RAD54L: variants seen among roughly 807,000 people sequenced by gnomAD.
RAD54L encodes DNA repair and recombination protein RAD54-like.
RAD54L carries 74 observed loss-of-function variants against 91.6 expected under a neutral mutation model. The ratio of observed to expected loss-of-function variants is 0.81; its 90% CI spans 0.67 to 0.98. The LOEUF is 0.98. RAD54L is among the 50% of genes least tolerant of loss of function. The pLI, the probability that RAD54L is intolerant of heterozygous loss-of-function variation, is 0.00. For synonymous variants in RAD54L, 304 were observed against 349.7 expected (o/e 0.87, Z 1.46); for missense variants, 887 against 945.7 (o/e 0.94, Z 0.81).
chr1:46,268,501 T>C (rs143351929), intron 9 of RAD54L, among the ~76,000 whole-genome samples: 47 of 152,306 alleles, frequency 3.1e-4, no homozygotes, highest in Non-Finnish European at 6.5e-4. Context: ...CACCATCAGA[T>C]GAATTACTAA....
At chr1:46,269,838 C>T (rs919703034) in intron 9 of RAD54L, among the ~76,000 whole-genome samples, 5 of 152,060 alleles carry the variant, frequency 3.3e-5, no homozygotes, top group South Asian at 2.1e-4. Context: ...TGTGGTGGCT[C>T]ACAACTGTAA....
intron 9 of RAD54L, among the ~76,000 whole-genome samples, chr1:46,270,149 C>T (rs183379670): frequency 1.1e-3 from 172 of 151,940 alleles, no homozygotes; most frequent in African/African-American, 3.6e-3. Flanking sequence ...GCGGGCAGAT[C>T]GCGAGATCAG....
chr1:46,274,193 G>A lies in RAD54L; in HGVS notation c.1666G>A (p.Val556Ile). ...GTCCATTAAGAAGCGAGCCAAGGTT[G>A]TAGAACGCTTCAATAGTCCATCGGT... is the stretch of plus-strand genomic sequence containing the variant. ...TMSIKKRAKV[V>I]ERFNSPSSPD... Residue 556 changes from valine (V) to isoleucine (I), a missense_variant, in exon 15 of 18, where the codon GTA becomes ATA. Coordinates refer to ENST00000371975, the MANE Select transcript of RAD54L (RefSeq NM_003579.4). The A allele has an allele frequency of 1.2e-6, 2 of 1,613,562 alleles. No homozygotes were observed. Among genetic ancestry groups the A allele is most frequent in the African/African-American group, 1.3e-5 (1 of 74,998 alleles).
chr1:46,271,529 G>A (rs971200015), intron 10 of RAD54L, among the ~76,000 whole-genome samples: 11 of 152,110 alleles, frequency 7.2e-5, no homozygotes, highest in African/African-American at 2.7e-4. Context: ...TGGTTGGGGT[G>A]CACCTGTAGT....
At position 46,271,022 on chromosome 1, in the gene RAD54L, CTTT is replaced by C. The variant is rs374946202; in HGVS notation, c.1169+239_1169+241del. On this transcript the variant is annotated intron_variant, in intron 10 of 17. Transcript: ENST00000371975. ...TCTGTTTATCAGCCTGCTGAGGAAG[CTTT>C]TCTCTGATGCTGCTGGACTTCTTGA... is the stretch of plus-strand genomic sequence containing the variant. Among the ~76,000 whole-genome samples, 74 of 152,290 alleles carry C rather than the reference CTTT, an allele frequency of 4.9e-4. 1 individual carries two copies. The South Asian group carries it at 0.014, about 29-fold the overall frequency.
rs1032650167 is a variant in RAD54L at position 46,257,215 on chromosome 1, G to A, written c.211-1471G>A. ...GAATTTCTAGACATTGATGATGTGT[G>A]AAGAAATGAGTCAGAAAACAAAGGT... is the stretch of plus-strand genomic sequence containing the variant. On this transcript the variant is annotated intron_variant, in intron 3 of 17. Coordinates refer to ENST00000371975, the MANE Select transcript of RAD54L (RefSeq NM_003579.4). 9.2e-5 allele frequency among the ~76,000 whole-genome samples: 14 copies of A among 151,666 alleles called. No homozygotes were observed. In the East Asian group the frequency reaches 2.7e-3, roughly 29 times the overall value.
At chr1:46,264,902 G>A (rs1660225423) in intron 8 of RAD54L, among the ~76,000 whole-genome samples, 1 of 152,212 alleles carries the variant, frequency 6.6e-6, no homozygotes, top group Non-Finnish European at 1.5e-5. Context: ...TGGTCCAATA[G>A]GGAGCTGGGG....
intron 6 of RAD54L, 34 bp downstream of exon 6, chr1:46,260,645 A>G (rs1186297204): frequency 1.9e-6 from 3 of 1,613,584 alleles, no homozygotes; most frequent in African/African-American, 2.7e-5. Flanking sequence ...GGTATGGGCT[A>G]TGGGCTGAGC....
intron 10 of RAD54L, among the ~76,000 whole-genome samples, chr1:46,272,104 G>A (rs928376930): frequency 2.1e-4 from 29 of 139,320 alleles, no homozygotes; most frequent in Non-Finnish European, 3.8e-4. Context: ...ATGCAATGGG[G>A]CGATCTCGGC....
In RAD54L at chr1:46,263,245, A is replaced by T. The variant is rs1660179052; in HGVS notation, c.891+1860A>T. On this transcript the variant is annotated intron_variant, in intron 8 of 17. Transcript: ENST00000371975. This position sits in a 1 kb window ranked among gnomAD's most constrained non-coding sequence, Gnocchi z 4.3. Reference sequence around the variant, plus strand: ...TTCCAGTATGTGTGAATGGCAATAGAGAGGCTAGTACTTAGGAAGCAGTGA... The same window carrying T: ...TTCCAGTATGTGTGAATGGCAATAGTGAGGCTAGTACTTAGGAAGCAGTGA... Among the ~76,000 whole-genome samples the T allele has an allele frequency of 6.6e-6, 1 of 152,178 alleles. No individual in the cohort carries two copies. The highest frequency in any genetic ancestry group is 1.5e-5 in the Non-Finnish European group (1 of 68,034).
rs533626960 is a variant in RAD54L at position 46,275,979 on chromosome 1, G to A, written c.1869+1262G>A. 7.7e-4 allele frequency among the ~76,000 whole-genome samples: 116 copies of A among 150,996 alleles called. 1 individual carries two copies. The highest frequency in any genetic ancestry group is 5.6e-3 in the South Asian group (27 of 4,780). On this transcript the variant is annotated intron_variant, in intron 16 of 17. Transcript: ENST00000371975. The stretch of plus-strand genomic sequence containing the variant: ...AAAAAAAAAAAAAATTTTTTTTCTC[G>A]TCTTTGGAAACTCCACTCTGGTTCT...
At chr1:46,262,278 G>T (rs1316275996) in intron 8 of RAD54L, among the ~76,000 whole-genome samples, 1 of 151,942 alleles carries the variant, frequency 6.6e-6, no homozygotes, top group Non-Finnish European at 1.5e-5. Flanking sequence ...GTGGTGGTGG[G>T]TGCCTGTAAT....
At chr1:46,277,348 C>A (rs980700744) in intron 16 of RAD54L, 2 of 219,350 alleles carry the variant, frequency 9.1e-6, no homozygotes, top group African/African-American at 4.6e-5. Flanking sequence ...CTCGCAGTTA[C>A]CCTGTATAGA....
chr1:46,249,909 C>T (rs1659751619), intron 2 of RAD54L, 91 bp from the exon 3 acceptor site: 1 of 1,422,464 alleles, frequency 7.0e-7, no homozygotes, highest in Admixed American at 1.8e-5. Context: ...AGCACAGTGC[C>T]TGGCACTTAA....
intron 8 of RAD54L, among the ~76,000 whole-genome samples, chr1:46,267,094 A>G (rs1362967451): frequency 6.6e-6 from 1 of 152,146 alleles, no homozygotes; most frequent in Non-Finnish European, 1.5e-5. Context: ...AGTCCCAGCT[A>G]CTCAGGAGAC....
chr1:46,274,867 T>C, intron 16 of RAD54L, 150 bp downstream of exon 16: 1 of 910,974 alleles, frequency 1.1e-6, no homozygotes, highest in Non-Finnish European at 1.7e-6. Flanking sequence ...TCTTCTGTTC[T>C]CCCTCCCCTT....
At chr1:46,262,270 G>A (rs919628433) in intron 8 of RAD54L, among the ~76,000 whole-genome samples, 1 of 151,382 alleles carries the variant, frequency 6.6e-6, no homozygotes, top group Non-Finnish European at 1.5e-5. Flanking sequence ...AGCCGAGCGT[G>A]GTGGTGGGTG....
At chr1:46,259,281 T>C (rs369976968) in intron 4 of RAD54L, among the ~76,000 whole-genome samples, 8 of 151,638 alleles carry the variant, frequency 5.3e-5, no homozygotes, top group African/African-American at 1.5e-4. Context: ...TCTCAAAAAG[T>C]GTTGGGACTA....
At position 46,277,619 on chromosome 1, in the gene RAD54L, T is replaced by G. The variant is rs898107589; in HGVS notation, c.1870-198T>G. ...TAGAAAGTAGCCTGGGTGGGCAGAC[T>G]ATTCATGTCATGTTCTCAGGAGACA... On this transcript the variant is annotated intron_variant, in intron 16 of 17. Transcript: ENST00000371975. 7 of 650,620 alleles carry G rather than the reference T, an allele frequency of 1.1e-5. No individual in the cohort carries two copies. The Admixed American group carries it at 1.3e-4, about 12-fold the overall frequency. The allele number at this position is 650,620 out of a possible 1,614,324, so 40.3% of individuals were successfully genotyped here. A position where few individuals can be genotyped will look rare whatever the true frequency, so the allele number is the denominator to read the frequency against.
Sources: allele counts gnomAD v4.1 joint callset (sites outside exome capture counted in the v4.1 genomes callset), GRCh38; gene constraint gnomAD v4.1.1; non-coding constraint Gnocchi (gnomAD v3.1); transcripts MANE v1.5; gene names NCBI Gene and HGNC (gene_info 2026-07-23, HGNC 2026-07-21).